The following ARMH3 variants were observed in gnomAD, a reference collection of about 807,000 sequenced individuals.
The protein encoded by ARMH3 is armadillo like helical domain containing 3, also known as armadillo-like helical domain-containing protein 3.
In ARMH3, 60 loss-of-function variants were observed where a neutral mutation model predicts 99.1. That is an observed-to-expected ratio of 0.61 (90% CI 0.49 to 0.75). ARMH3 has a LOEUF of 0.75. Among genes scored for constraint, ARMH3 ranks in the 30% least tolerant of loss-of-function variants. The pLI, the probability that ARMH3 is intolerant of heterozygous loss-of-function variation, is 0.00. For missense variants in ARMH3, 679 were observed against 843.1 expected (o/e 0.81, Z 2.41); for synonymous variants, 285 against 292.8 (o/e 0.97, Z 0.27).
chr10:102,002,088 T>G lies in ARMH3; in HGVS notation c.1049-16A>C, dbSNP rs907119239. On this transcript the variant is annotated splice_polypyrimidine_tract_variant and intron_variant, in intron 14 of 25. Coordinates refer to ENST00000370033, the MANE Select transcript of ARMH3 (RefSeq NM_024541.3). The stretch of plus-strand genomic sequence containing the variant: ...GAACTTATAACTGGAATAGAACAGA[T>G]AAAATGCACTTAGCCTGCAACATAT... 1 of 1,613,044 alleles carries G rather than the reference T, an allele frequency of 6.2e-7. No homozygotes were observed. Among genetic ancestry groups the G allele is most frequent in the Admixed American group, 1.7e-5 (1 of 59,918 alleles).
chr10:101,913,975 C>G (rs1011840708), intron 23 of ARMH3, among the ~76,000 whole-genome samples: 7 of 152,154 alleles, frequency 4.6e-5, no homozygotes, highest in African/African-American at 1.7e-4. Flanking sequence ...ATTGCAATGG[C>G]ATTCTACCCT....
At position 101,848,326 on chromosome 10, in the gene ARMH3, A is replaced by C. The variant is rs952914512; in HGVS notation, c.1978-706T>G. ...ACCTCACATACTCTCTACCCACAGA[A>C]CCCTAACCCAGTGTTGCCTGGGTCA... On this transcript the variant is annotated intron_variant, in intron 25 of 25. Coordinates refer to ENST00000370033, the MANE Select transcript of ARMH3 (RefSeq NM_024541.3). Among the ~76,000 whole-genome samples, 14 of 152,158 alleles carry C rather than the reference A, an allele frequency of 9.2e-5. No individual in the cohort carries two copies. In the South Asian group the frequency reaches 2.7e-3, roughly 29 times the overall value.
chr10:102,007,921 T>C (rs140561555), intron 13 of ARMH3, among the ~76,000 whole-genome samples: 229 of 151,830 alleles, frequency 1.5e-3, no homozygotes, highest in Non-Finnish European at 2.5e-3. Flanking sequence ...TGTGCCTTCA[T>C]TGGGAGGCAA....
chr10:101,931,661 T>C (rs1843726760), intron 23 of ARMH3, among the ~76,000 whole-genome samples: 1 of 152,128 alleles, frequency 6.6e-6, no homozygotes. Flanking sequence ...TGTATACCCG[T>C]AGTCCTTGCT....
At chr10:101,975,355 C>G (rs1845949569) in intron 19 of ARMH3, 55 bp from the exon 20 acceptor site, 1 of 1,385,184 alleles carries the variant, frequency 7.2e-7, no homozygotes, top group Non-Finnish European at 1.0e-6. Context: ...GTGCAACTCA[C>G]CAGAGATCCC....
chr10:102,005,264 TCTCAGCTA>T (rs1488343666), intron 14 of ARMH3, among the ~76,000 whole-genome samples: 1 of 150,864 alleles, frequency 6.6e-6, no homozygotes, highest in African/African-American at 2.4e-5. Context: ...ATGCCTGTAA[TCTCAGCTA>T]CTCAGAAGGC....
At chr10:101,989,073 G>T (rs1002290460) in intron 19 of ARMH3, among the ~76,000 whole-genome samples, 1 of 152,056 alleles carries the variant, frequency 6.6e-6, no homozygotes, top group East Asian at 1.9e-4. Flanking sequence ...AAAATCGGAG[G>T]GAGCAATTCT....
At chr10:101,958,204 A>G (rs1845127339) in intron 20 of ARMH3, among the ~76,000 whole-genome samples, 1 of 152,248 alleles carries the variant, frequency 6.6e-6, no homozygotes, top group Non-Finnish European at 1.5e-5. Context: ...GTCACCAGAT[A>G]TAGCAGCTAT....
At chr10:101,932,416 A>C (rs1053146763) in intron 23 of ARMH3, among the ~76,000 whole-genome samples, 1 of 152,244 alleles carries the variant, frequency 6.6e-6, no homozygotes, top group African/African-American at 2.4e-5. Context: ...TTCTGGGTAC[A>C]TACCCAAAAG....
chr10:101,971,977 T>C (rs1391181806), intron 20 of ARMH3, among the ~76,000 whole-genome samples: 1 of 152,226 alleles, frequency 6.6e-6, no homozygotes, highest in East Asian at 1.9e-4. Context: ...ATAGAACTTT[T>C]TCCTTTCCAT....
At chr10:102,016,528 A>C (rs987039731) in intron 8 of ARMH3, among the ~76,000 whole-genome samples, 8 of 152,212 alleles carry the variant, frequency 5.3e-5, no homozygotes, top group African/African-American at 1.9e-4. Flanking sequence ...GGAAAAAGGC[A>C]GTGTGGGGAG....
chr10:102,008,555 T>C (rs1032699502), intron 13 of ARMH3, among the ~76,000 whole-genome samples: 2 of 149,170 alleles, frequency 1.3e-5, no homozygotes, highest in East Asian at 3.9e-4. Flanking sequence ...GTTTTGTTTT[T>C]ATTTTATTTT....
At chr10:101,973,187 C>T (rs1398621794) in intron 20 of ARMH3, among the ~76,000 whole-genome samples, 1 of 151,258 alleles carries the variant, frequency 6.6e-6, no homozygotes, top group Admixed American at 6.6e-5. Context: ...GGTGAAACTC[C>T]GTCTCTACTA....
At chr10:101,855,395 T>C (rs1589909749) in intron 24 of ARMH3, among the ~76,000 whole-genome samples, 1 of 148,986 alleles carries the variant, frequency 6.7e-6, no homozygotes, top group Non-Finnish European at 1.5e-5. Context: ...CAAGTGCTAC[T>C]ACATGGACAA....
intron 23 of ARMH3, among the ~76,000 whole-genome samples, chr10:101,902,143 G>A (rs559774065): frequency 1.3e-5 from 2 of 152,044 alleles, no homozygotes; most frequent in Non-Finnish European, 2.9e-5. Flanking sequence ...AGCACCTTTT[G>A]GCCCTATTTC....
At chr10:101,973,058 ATC>A (rs552422734) in intron 20 of ARMH3, among the ~76,000 whole-genome samples, 3 of 152,340 alleles carry the variant, frequency 2.0e-5, no homozygotes, top group Non-Finnish European at 4.4e-5. Context: ...ACATTTTTAA[ATC>A]TCTTTCAAAG....
At chr10:101,902,570 C>T (rs1564736234) in intron 23 of ARMH3, among the ~76,000 whole-genome samples, 1 of 152,110 alleles carries the variant, frequency 6.6e-6, no homozygotes, top group South Asian at 2.1e-4. Flanking sequence ...CTCATACGTG[C>T]GCACTTCTCT....
At chr10:102,018,726 T>C (rs1300878235) in intron 8 of ARMH3, among the ~76,000 whole-genome samples, 1 of 152,100 alleles carries the variant, frequency 6.6e-6, no homozygotes, top group Admixed American at 6.5e-5. Context: ...GAGGCTGAAG[T>C]GGGCAGATCA....
intron 24 of ARMH3, among the ~76,000 whole-genome samples, chr10:101,877,097 T>TG (rs2067287311): frequency 3.3e-5 from 5 of 152,040 alleles, no homozygotes; most frequent in Admixed American, 2.6e-4. Flanking sequence ...TAGTCCCAGC[T>TG]ACTCAGCTGG....
Sources: gnomAD v4.1 joint callset for allele counts (sites outside exome capture counted in the v4.1 genomes callset) on GRCh38, gnomAD v4.1.1 for gene constraint, MANE v1.5 for transcripts, NCBI Gene and HGNC (gene_info 2026-07-23, HGNC 2026-07-21) for gene names.